Variants in ADK observed in about 807,000 individuals in gnomAD.
ADK encodes the protein adenosine kinase.
In ADK, 24 loss-of-function variants were observed where a neutral mutation model predicts 44.7. The ratio of observed to expected loss-of-function variants is 0.54; its 90% CI spans 0.39 to 0.76. The LOEUF is 0.76. ADK is among the 30% of genes least tolerant of loss of function. The pLI is 0.00. For synonymous variants in ADK, 128 were observed against 142.6 expected (o/e 0.90, Z 0.73); for missense variants, 321 against 425.1 (o/e 0.76, Z 2.15).
intron 1 of ADK, among the ~76,000 whole-genome samples, chr10:74,153,657 G>A (rs1211374067): frequency 1.3e-5 from 2 of 152,200 alleles, no homozygotes; most frequent in Non-Finnish European, 2.9e-5. Context: ...TATGAGGTAG[G>A]AGCAATGATT....
At chr10:74,629,033 A>T (rs1589312753) in intron 9 of ADK, among the ~76,000 whole-genome samples, 1 of 151,780 alleles carries the variant, frequency 6.6e-6, no homozygotes, top group Non-Finnish European at 1.5e-5. Context: ...ATAATTCTGC[A>T]CCCTACTCTT....
chr10:74,601,376 TTC>T (rs1463670176), intron 9 of ADK, among the ~76,000 whole-genome samples: 1 of 152,176 alleles, frequency 6.6e-6, no homozygotes, highest in Non-Finnish European at 1.5e-5. Flanking sequence ...TCAAGATATT[TTC>T]TTTCTTTTTT....
At chr10:74,333,316 GA>G (rs796463274) in intron 4 of ADK, among the ~76,000 whole-genome samples, 5 of 152,298 alleles carry the variant, frequency 3.3e-5, no homozygotes, top group African/African-American at 1.2e-4. Context: ...ATTACATTAG[GA>G]GGGGGTATGT....
At chr10:74,442,300 T>A (rs530138055) in intron 6 of ADK, among the ~76,000 whole-genome samples, 6,887 of 152,172 alleles carry the variant, frequency 0.045, 536 homozygotes, top group African/African-American at 0.16. Flanking sequence ...CGAAAGTTCC[T>A]TTAAAAACAG....
intron 2 of ADK, among the ~76,000 whole-genome samples, chr10:74,221,875 A>G (rs1844324927): frequency 6.6e-6 from 1 of 151,692 alleles, no homozygotes; most frequent in Non-Finnish European, 1.5e-5. Context: ...TCAATTCAAG[A>G]TGGATTAAAG....
intron 1 of ADK, among the ~76,000 whole-genome samples, chr10:74,186,372 C>A (rs1247133848): frequency 6.6e-6 from 1 of 151,988 alleles, no homozygotes; most frequent in Non-Finnish European, 1.5e-5. Context: ...CTTGACCTCC[C>A]CAGCCCAAGC....
At chr10:74,591,112 C>G (rs547150563) in intron 8 of ADK, among the ~76,000 whole-genome samples, 1 of 152,184 alleles carries the variant, frequency 6.6e-6, no homozygotes, top group African/African-American at 2.4e-5. Flanking sequence ...CTGATTAATA[C>G]TTTTATTTCC....
At chr10:74,537,803 C>T (rs1198108423) in intron 7 of ADK, among the ~76,000 whole-genome samples, 1 of 152,114 alleles carries the variant, frequency 6.6e-6, no homozygotes, top group African/African-American at 2.4e-5. Context: ...TCAAATCACC[C>T]ATACCATGCA....
chr10:74,292,167 G>A (rs1015575354), intron 3 of ADK, among the ~76,000 whole-genome samples: 2 of 152,056 alleles, frequency 1.3e-5, no homozygotes, highest in Non-Finnish European at 2.9e-5. Flanking sequence ...GCTCAGTATT[G>A]TCTACTATAC....
At chr10:74,661,181 A>G (rs905243690) in intron 9 of ADK, 1 of 250,188 alleles carries the variant, frequency 4.0e-6, no homozygotes, top group African/African-American at 2.3e-5. Flanking sequence ...AACTTAATTT[A>G]GTCAAATTTG....
At chr10:74,566,238 A>C (rs1850664760) in intron 7 of ADK, among the ~76,000 whole-genome samples, 1 of 115,256 alleles carries the variant, frequency 8.7e-6, no homozygotes, top group African/African-American at 3.5e-5. Context: ...AGACAGTCTC[A>C]CTCTGTCACC....
intron 7 of ADK, among the ~76,000 whole-genome samples, chr10:74,569,122 C>T (rs1019592765): frequency 2.0e-5 from 3 of 152,152 alleles, no homozygotes; most frequent in Admixed American, 6.5e-5. Flanking sequence ...TTTTTTATGG[C>T]TGCATAGTAT....
At chr10:74,362,373 T>G (rs1313907211) in intron 4 of ADK, among the ~76,000 whole-genome samples, 6 of 152,224 alleles carry the variant, frequency 3.9e-5, no homozygotes, top group Non-Finnish European at 8.8e-5. Flanking sequence ...TCATTAATTT[T>G]TTTTTTTTAG....
At chr10:74,168,574 T>C (rs1253224241) in intron 1 of ADK, among the ~76,000 whole-genome samples, 2 of 149,194 alleles carry the variant, frequency 1.3e-5, no homozygotes, top group Non-Finnish European at 3.0e-5. Context: ...AAAAAGATTG[T>C]GAAGTATCAT....
chr10:74,412,143 C>T (rs1272809559), intron 6 of ADK, among the ~76,000 whole-genome samples: 2 of 152,082 alleles, frequency 1.3e-5, no homozygotes, highest in Non-Finnish European at 2.9e-5. Context: ...ATTCCAAACT[C>T]CTATTAATGT....
chr10:74,680,439 C>T (rs1855563414), intron 10 of ADK, among the ~76,000 whole-genome samples: 1 of 151,844 alleles, frequency 6.6e-6, no homozygotes, highest in Non-Finnish European at 1.5e-5. Context: ...TATAAAAGTT[C>T]CAGGAAGAAA....
At chr10:74,360,903 G>T (rs967561613) in intron 4 of ADK, among the ~76,000 whole-genome samples, 1 of 152,074 alleles carries the variant, frequency 6.6e-6, no homozygotes, top group African/African-American at 2.4e-5. Context: ...CACCCACCCT[G>T]TGTCTTTATT....
chr10:74,349,812 G>C (rs1841905529), intron 4 of ADK, among the ~76,000 whole-genome samples: 1 of 151,834 alleles, frequency 6.6e-6, no homozygotes, highest in Non-Finnish European at 1.5e-5. Flanking sequence ...GATCAAAAAA[G>C]ACAAAGAAGG....
At chr10:74,537,118 A>T (rs776647709) in intron 7 of ADK, among the ~76,000 whole-genome samples, 6 of 152,158 alleles carry the variant, frequency 3.9e-5, no homozygotes, top group Non-Finnish European at 7.4e-5. Flanking sequence ...CTTATTTTGC[A>T]TTTAAAAAAT....
Sources: allele counts gnomAD v4.1 joint callset (sites outside exome capture counted in the v4.1 genomes callset), GRCh38; gene constraint gnomAD v4.1.1; transcripts MANE v1.5; gene names NCBI Gene and HGNC (gene_info 2026-07-23, HGNC 2026-07-21).